ARHGAP44: variants seen among roughly 807,000 people sequenced by gnomAD.
ARHGAP44 encodes rho GTPase-activating protein 44.
Under a neutral mutation model 106.8 loss-of-function variants are expected in ARHGAP44, and 43 were observed. That is an observed-to-expected ratio of 0.40 (90% CI 0.32 to 0.52). ARHGAP44 has a LOEUF of 0.52. Ranked by LOEUF, ARHGAP44 falls within the 20% of genes least tolerant of loss-of-function variation. The pLI, the probability that ARHGAP44 is intolerant of heterozygous loss-of-function variation, is 0.48. For missense variants in ARHGAP44, 866 were observed against 1,050.5 expected (o/e 0.82, Z 2.43); for synonymous variants, 439 against 410.3 (o/e 1.07, Z -0.85).
At chr17:12,961,538 C>T (rs2039260652) in intron 16 of ARHGAP44, among the ~76,000 whole-genome samples, 1 of 152,152 alleles carries the variant, frequency 6.6e-6, no homozygotes, top group South Asian at 2.1e-4. Context: ...AGTTCGAGAC[C>T]AGCCTGACCA....
chr17:12,814,510 G>A (rs2034539636), intron 1 of ARHGAP44, among the ~76,000 whole-genome samples: 2 of 151,912 alleles, frequency 1.3e-5, no homozygotes, highest in Non-Finnish European at 2.9e-5. Flanking sequence ...CGAAGTGCTG[G>A]GATTACATGG....
intron 20 of ARHGAP44, chr17:12,987,251 AT>A: frequency 9.4e-7 from 1 of 1,060,022 alleles, no homozygotes; most frequent in Non-Finnish European, 1.3e-6. Context: ...GGCTCAGACC[AT>A]TTGCATGGCA....
intron 3 of ARHGAP44, among the ~76,000 whole-genome samples, chr17:12,897,798 A>G (rs745314039): frequency 1.4e-5 from 2 of 148,122 alleles, no homozygotes; most frequent in African/African-American, 5.0e-5. Flanking sequence ...CGGGAGTATC[A>G]TCTGAATGCT....
At chr17:12,907,243 T>C (rs1045701500) in intron 3 of ARHGAP44, among the ~76,000 whole-genome samples, 1 of 152,216 alleles carries the variant, frequency 6.6e-6, no homozygotes, top group African/African-American at 2.4e-5. Context: ...TCTGTCTGTG[T>C]GTACTGGCTG....
At chr17:12,989,113 A>C (rs1567728657) in intron 20 of ARHGAP44, among the ~76,000 whole-genome samples, 18 of 141,726 alleles carry the variant, frequency 1.3e-4, no homozygotes, top group South Asian at 6.7e-4. Flanking sequence ...AAAAAAAAAA[A>C]AAAAAAAAAA....
At chr17:12,983,957 T>A (rs1285080277) in intron 19 of ARHGAP44, among the ~76,000 whole-genome samples, 1 of 152,032 alleles carries the variant, frequency 6.6e-6, no homozygotes, top group Admixed American at 6.6e-5. Flanking sequence ...GCACAGCATA[T>A]AAAGTAATGA....
intron 13 of ARHGAP44, among the ~76,000 whole-genome samples, chr17:12,954,734 G>T (rs2039086050): frequency 6.6e-6 from 1 of 152,146 alleles, no homozygotes; most frequent in Non-Finnish European, 1.5e-5. Flanking sequence ...CCTCTTGTCA[G>T]GTTCTGGCAG....
At chr17:12,944,912 C>T (rs2038811195) in intron 10 of ARHGAP44, among the ~76,000 whole-genome samples, 1 of 151,948 alleles carries the variant, frequency 6.6e-6, no homozygotes, top group Admixed American at 6.6e-5. Flanking sequence ...GGCTCTTAAA[C>T]TTTTTTATCA....
At chr17:12,870,753 A>G (rs572566694) in intron 1 of ARHGAP44, among the ~76,000 whole-genome samples, 3 of 152,232 alleles carry the variant, frequency 2.0e-5, no homozygotes, top group Admixed American at 6.5e-5. Context: ...TGCTGGTGAG[A>G]TGAGGTTTTG....
chr17:12,978,056 A>AAAAAAAAAAAAAAAT (rs71144940), intron 18 of ARHGAP44, among the ~76,000 whole-genome samples: 1 of 149,108 alleles, frequency 6.7e-6, no homozygotes, highest in African/African-American at 2.5e-5. Flanking sequence ...AAAAAAAAAA[A>AAAAAAAAAAAAAAAT]GTGTGTTTCG....
intron 1 of ARHGAP44, among the ~76,000 whole-genome samples, chr17:12,793,886 C>T (rs145215484): frequency 9.9e-5 from 15 of 152,268 alleles, no homozygotes; most frequent in South Asian, 4.1e-4. Flanking sequence ...CATTCTTTGG[C>T]AATGGAATGA....
intron 1 of ARHGAP44, among the ~76,000 whole-genome samples, chr17:12,854,701 G>C (rs1018736666): frequency 1.3e-5 from 2 of 152,162 alleles, no homozygotes; most frequent in African/African-American, 4.8e-5. Flanking sequence ...GCTCATGCCT[G>C]TAATCCCAGC....
intron 1 of ARHGAP44, among the ~76,000 whole-genome samples, chr17:12,805,263 C>T (rs1479165263): frequency 6.6e-6 from 1 of 152,176 alleles, no homozygotes; most frequent in African/African-American, 2.4e-5. Flanking sequence ...TTTCCTGACT[C>T]TACTAGAAGC....
intron 1 of ARHGAP44, 92 bp downstream of exon 1, chr17:12,789,983 C>T: frequency 1.6e-6 from 2 of 1,244,920 alleles, no homozygotes; most frequent in Non-Finnish European, 2.2e-6. Context: ...AGCCTCCAGT[C>T]CTCCTTGCCT....
At chr17:12,801,101 T>G (rs2150762874) in intron 1 of ARHGAP44, among the ~76,000 whole-genome samples, 1 of 152,380 alleles carries the variant, frequency 6.6e-6, no homozygotes, top group Non-Finnish European at 1.5e-5. Context: ...TGTAGCTCTA[T>G]GCTGAGAGAC....
At chr17:12,868,706 G>GGAGTGCAATGGCGCGATCTTGGCT (rs1249776407) in intron 1 of ARHGAP44, among the ~76,000 whole-genome samples, 3 of 147,406 alleles carry the variant, frequency 2.0e-5, no homozygotes, top group Non-Finnish European at 4.5e-5. Flanking sequence ...ACCTAGAGCT[G>GGAGTGCAATGGCGCGATCTTGGCT]GAGTGCAATG....
At chr17:12,907,959 A>ATT (rs377218863) in intron 3 of ARHGAP44, among the ~76,000 whole-genome samples, 3 of 148,228 alleles carry the variant, frequency 2.0e-5, no homozygotes, top group Non-Finnish European at 3.0e-5. Context: ...ACCAATCCTT[A>ATT]TTTTTTTTTT....
At chr17:12,983,127 T>A (rs1055162186) in intron 19 of ARHGAP44, 6 of 151,962 alleles carry the variant, frequency 3.9e-5, no homozygotes, top group African/African-American at 1.5e-4. Flanking sequence ...TAGCTGGGCA[T>A]GGTGGCAGGC....
intron 1 of ARHGAP44, among the ~76,000 whole-genome samples, chr17:12,876,930 A>G (rs569585026): frequency 4.0e-5 from 6 of 150,482 alleles, no homozygotes; most frequent in African/African-American, 1.5e-4. Flanking sequence ...AAAAAAAAAG[A>G]AGAAAAGATA....
Sources: allele counts gnomAD v4.1 joint callset (sites outside exome capture counted in the v4.1 genomes callset), GRCh38; gene constraint gnomAD v4.1.1; transcripts MANE v1.5; gene names NCBI Gene and HGNC (gene_info 2026-07-23, HGNC 2026-07-21).